The following NUBPL variants were observed in gnomAD, a reference collection of about 807,000 sequenced individuals.
NUBPL encodes NUBP iron-sulfur cluster assembly factor, mitochondrial, also known as iron-sulfur cluster transfer protein NUBPL.
A neutral mutation model predicts 45.7 loss-of-function variants in NUBPL; 31 were observed. The ratio of observed to expected loss-of-function variants is 0.68; its 90% confidence interval spans 0.51 to 0.92. NUBPL has a LOEUF of 0.92. NUBPL is among the 40% of genes least tolerant of loss of function. NUBPL has a pLI of 0.00. For missense variants in NUBPL, 401 were observed against 398.7 expected (o/e 1.01, Z -0.05); for synonymous variants, 144 against 140.9 (o/e 1.02, Z -0.15).
At chr14:31,696,029 A>G (rs1292051184) in intron 6 of NUBPL, among the ~76,000 whole-genome samples, 1 of 152,226 alleles carries the variant, frequency 6.6e-6, no homozygotes, top group Non-Finnish European at 1.5e-5. Flanking sequence ...AAGTAACCAA[A>G]GTATAAAATA....
At chr14:31,766,665 G>T (rs1030843712) in intron 6 of NUBPL, among the ~76,000 whole-genome samples, 1 of 152,128 alleles carries the variant, frequency 6.6e-6, no homozygotes, top group Non-Finnish European at 1.5e-5. Context: ...ACAAAGTCAA[G>T]TTTCTCTCTC....
intron 4 of NUBPL, among the ~76,000 whole-genome samples, chr14:31,629,786 CAATT>C (rs944393617): frequency 6.6e-5 from 10 of 152,202 alleles, no homozygotes; most frequent in South Asian, 2.1e-4. Flanking sequence ...TCATACTTCT[CAATT>C]AATCTTTTCC....
intron 6 of NUBPL, among the ~76,000 whole-genome samples, chr14:31,707,315 A>G (rs1372151381): frequency 6.6e-6 from 1 of 152,258 alleles, no homozygotes; most frequent in Middle Eastern, 3.2e-3. Context: ...GAAGACCTTC[A>G]ATTATCAATT....
At chr14:31,759,820 G>A (rs771068911) in intron 6 of NUBPL, among the ~76,000 whole-genome samples, 4 of 150,786 alleles carry the variant, frequency 2.7e-5, no homozygotes, top group Non-Finnish European at 5.9e-5. Flanking sequence ...TACATGAGAT[G>A]TTCAACACTT....
intron 6 of NUBPL, among the ~76,000 whole-genome samples, chr14:31,783,652 G>T (rs941919817): frequency 6.6e-6 from 1 of 151,822 alleles, no homozygotes; most frequent in African/African-American, 2.4e-5. Context: ...CAAGTAGCTG[G>T]GACTACAGAC....
chr14:31,851,092 A>G (rs1466995079), intron 10 of NUBPL, among the ~76,000 whole-genome samples: 1 of 152,206 alleles, frequency 6.6e-6, no homozygotes, highest in Non-Finnish European at 1.5e-5. Context: ...CTTTTTAAAA[A>G]TAGAAATAAA....
At chr14:31,727,532 A>G (rs1311339488) in intron 6 of NUBPL, among the ~76,000 whole-genome samples, 1 of 152,166 alleles carries the variant, frequency 6.6e-6, no homozygotes, top group Non-Finnish European at 1.5e-5. Flanking sequence ...GAAGCAGGAG[A>G]CCCAAGGATT....
intron 7 of NUBPL, among the ~76,000 whole-genome samples, chr14:31,821,799 A>G (rs1371253552): frequency 6.6e-6 from 1 of 152,248 alleles, no homozygotes; most frequent in Admixed American, 6.5e-5. Context: ...GTCCATCAAC[A>G]GATGAATGGT....
intron 4 of NUBPL, among the ~76,000 whole-genome samples, chr14:31,602,821 T>C (rs187858951): frequency 1.3e-5 from 2 of 152,330 alleles, no homozygotes; most frequent in East Asian, 3.9e-4. Flanking sequence ...ATGAAAATTA[T>C]TTTCTCTGAT....
At chr14:31,830,627 A>G (rs1296513598) in intron 8 of NUBPL, among the ~76,000 whole-genome samples, 1 of 152,160 alleles carries the variant, frequency 6.6e-6, no homozygotes, top group African/African-American at 2.4e-5. Context: ...CTACTTACAC[A>G]TATATTTAGT....
intron 4 of NUBPL, among the ~76,000 whole-genome samples, chr14:31,610,975 A>G (rs962610320): frequency 6.6e-6 from 1 of 152,198 alleles, no homozygotes; most frequent in Non-Finnish European, 1.5e-5. Context: ...CTAGCATCAT[A>G]ATGAATGGAG....
chr14:31,650,583 C>T (rs1184048000), intron 4 of NUBPL, among the ~76,000 whole-genome samples: 1 of 152,192 alleles, frequency 6.6e-6, no homozygotes, highest in African/African-American at 2.4e-5. Context: ...GTCACCGCAC[C>T]TGGCCCCAGG....
chr14:31,589,562 TA>T (rs1444927381), intron 3 of NUBPL, among the ~76,000 whole-genome samples: 1 of 152,162 alleles, frequency 6.6e-6, no homozygotes, highest in East Asian at 1.9e-4. Context: ...AGTGTTTTTT[TA>T]AAAAATTAAA....
chr14:31,578,684 A>G (rs1282077648), intron 3 of NUBPL, among the ~76,000 whole-genome samples: 1 of 152,208 alleles, frequency 6.6e-6, no homozygotes, highest in East Asian at 1.9e-4. Flanking sequence ...TTTACAGAAA[A>G]TGGATTGCTG....
chr14:31,609,404 C>G (rs1465541854), intron 4 of NUBPL, among the ~76,000 whole-genome samples: 1 of 152,132 alleles, frequency 6.6e-6, no homozygotes, highest in Non-Finnish European at 1.5e-5. Context: ...GCACCCAACA[C>G]TGGAGCACCT....
chr14:31,792,503 T>C (rs1595633693), intron 7 of NUBPL, among the ~76,000 whole-genome samples: 1 of 151,870 alleles, frequency 6.6e-6, no homozygotes, highest in South Asian at 2.1e-4. Flanking sequence ...CTTGAACATA[T>C]GGCCCATTTT....
chr14:31,658,159 A>T (rs1047210617), intron 4 of NUBPL, among the ~76,000 whole-genome samples: 1 of 152,224 alleles, frequency 6.6e-6, no homozygotes, highest in Non-Finnish European at 1.5e-5. Flanking sequence ...ACCTGTTTTC[A>T]TATTAGCTAA....
intron 6 of NUBPL, among the ~76,000 whole-genome samples, chr14:31,743,861 T>C (rs564132727): frequency 9.9e-5 from 15 of 152,014 alleles, no homozygotes; most frequent in Non-Finnish European, 2.1e-4. Context: ...TTCTGGAAAA[T>C]AGAAAATGTT....
intron 6 of NUBPL, among the ~76,000 whole-genome samples, chr14:31,718,855 T>C (rs1175809866): frequency 1.3e-5 from 2 of 152,190 alleles, no homozygotes; most frequent in African/African-American, 4.8e-5. Flanking sequence ...CTATATCAAA[T>C]GAACCTGAGT....
Sources: gnomAD v4.1 joint callset for allele counts (sites outside exome capture counted in the v4.1 genomes callset) on GRCh38, gnomAD v4.1.1 for gene constraint, MANE v1.5 for transcripts, NCBI Gene and HGNC (gene_info 2026-07-23, HGNC 2026-07-21) for gene names.